The following DLGAP1 variants were observed in gnomAD, a reference collection of about 807,000 sequenced individuals.
DLGAP1 encodes DLG associated protein 1, also known as disks large-associated protein 1.
In DLGAP1, 11 loss-of-function variants were observed where a neutral mutation model predicts 90.8. The observed-to-expected ratio is 0.12, with a 90% CI of 0.08 to 0.20. The LOEUF (loss-of-function observed/expected upper bound fraction) is 0.20, where lower values mean the gene tolerates loss of function less well. Ranked by LOEUF, DLGAP1 falls within the 10% of genes least tolerant of loss-of-function variation. The probability of loss-of-function intolerance (pLI) is 1.00; values close to 1 mark genes in which losing one functional copy is unlikely to be tolerated. For missense variants in DLGAP1, 1,050 were observed against 1,333.8 expected, an observed-to-expected ratio of 0.79 and a Z score of 3.31; for synonymous variants, 558 against 540.7, an observed-to-expected ratio of 1.03 and a Z score of -0.44.
intron 1 of DLGAP1, among the ~76,000 whole-genome samples, chr18:4,284,998 A>G (rs186061081): frequency 6.6e-6 from 1 of 152,296 alleles, no homozygotes; most frequent in East Asian, 1.9e-4. Flanking sequence ...ACTAGGAAAG[A>G]TAAAGGGAGG....
At chr18:3,788,335 CAACAG>C (rs1342797152) in intron 5 of DLGAP1, among the ~76,000 whole-genome samples, 4 of 152,092 alleles carry the variant, frequency 2.6e-5, no homozygotes, top group South Asian at 2.1e-4. Context: ...GACTCCAAAA[CAACAG>C]AATAAGCTAG....
intron 1 of DLGAP1, among the ~76,000 whole-genome samples, chr18:4,348,917 A>T (rs903359435): frequency 1.3e-5 from 2 of 152,202 alleles, no homozygotes; most frequent in Admixed American, 1.3e-4. Context: ...AAAATACAAA[A>T]GGAATGATGG....
chr18:3,875,459 T>C (rs147736527), intron 4 of DLGAP1, among the ~76,000 whole-genome samples: 185 of 152,332 alleles, frequency 1.2e-3, no homozygotes, highest in African/African-American at 2.3e-3. Context: ...TAATAGATAT[T>C]TGATATACAC....
chr18:3,602,451 C>T (rs1237980531), intron 7 of DLGAP1, among the ~76,000 whole-genome samples: 5 of 151,372 alleles, frequency 3.3e-5, no homozygotes, highest in Non-Finnish European at 5.9e-5. Context: ...AAAAATTAGC[C>T]GGGCGTGGTG....
chr18:4,021,115 A>G (rs2074601648), intron 2 of DLGAP1, among the ~76,000 whole-genome samples: 1 of 152,058 alleles, frequency 6.6e-6, no homozygotes, highest in African/African-American at 2.4e-5. Context: ...TCCGATCCCC[A>G]AGTTTTGGGG....
At chr18:4,059,347 C>T (rs1374346006) in intron 2 of DLGAP1, among the ~76,000 whole-genome samples, 2 of 152,138 alleles carry the variant, frequency 1.3e-5, no homozygotes, top group African/African-American at 4.8e-5. Context: ...TGGATGCATC[C>T]CCAAGAATTG....
chr18:3,620,184 G>A (rs1392965185), intron 7 of DLGAP1, among the ~76,000 whole-genome samples: 1 of 152,138 alleles, frequency 6.6e-6, no homozygotes, highest in East Asian at 1.9e-4. Context: ...TAAGAGGGAG[G>A]CAGGAGGGTC....
chr18:4,002,756 G>A (rs371940765), intron 3 of DLGAP1, among the ~76,000 whole-genome samples: 5 of 152,166 alleles, frequency 3.3e-5, no homozygotes, highest in South Asian at 2.1e-4. Context: ...ACATTATTCC[G>A]GGGTCAACTA....
intron 2 of DLGAP1, among the ~76,000 whole-genome samples, chr18:4,096,785 G>A (rs565293622): frequency 6.6e-6 from 1 of 152,314 alleles, no homozygotes; most frequent in East Asian, 1.9e-4. Flanking sequence ...GGCTGCCTGG[G>A]TTAACGTCCT....
At chr18:3,631,708 C>T (rs2058531558) in intron 7 of DLGAP1, among the ~76,000 whole-genome samples, 1 of 152,112 alleles carries the variant, frequency 6.6e-6, no homozygotes, top group African/African-American at 2.4e-5. Flanking sequence ...GATTGCACCA[C>T]TGTACTCCAG....
chr18:4,398,242 T>C (rs1416576034), intron 1 of DLGAP1, among the ~76,000 whole-genome samples: 1 of 152,206 alleles, frequency 6.6e-6, no homozygotes, highest in Non-Finnish European at 1.5e-5. Context: ...TAAGTACAAA[T>C]AGGCAAACAT....
intron 1 of DLGAP1, among the ~76,000 whole-genome samples, chr18:4,380,531 G>A (rs2082093138): frequency 6.6e-6 from 1 of 152,100 alleles, no homozygotes; most frequent in Admixed American, 6.6e-5. Flanking sequence ...CTATGTGAAG[G>A]TTGGTTACTT....
intron 1 of DLGAP1, among the ~76,000 whole-genome samples, chr18:4,302,191 GA>G (rs2080141966): frequency 6.6e-6 from 1 of 151,984 alleles, no homozygotes; most frequent in African/African-American, 2.4e-5. Flanking sequence ...TGCATTTTTG[GA>G]GTCAGATAAA....
Position 3,582,088 on chromosome 18 carries a change from A to G in DLGAP1, c.1752T>C (p.Ser584=), listed in dbSNP as rs140484595. 6.2e-7 allele frequency: 1 copy of G among 1,613,836 alleles called. No individual in the cohort carries two copies. Among genetic ancestry groups the G allele is most frequent in the African/African-American group, 1.3e-5 (1 of 74,890 alleles). ...GGCTCTCGGTGGAGTTGCTGAGTCC[A>G]GACTGGCTGATAATATCTCCTCGCT... The part of the protein sequence containing the change: ...QGQRGDIISQ[S]GLSNSTESLD... The change falls in exon 8 of 13, where the codon TCT becomes TCC. Residue 584 remains serine (S), a synonymous_variant. Transcript: ENST00000315677.
intron 1 of DLGAP1, among the ~76,000 whole-genome samples, chr18:4,249,716 C>T (rs1326878506): frequency 6.6e-6 from 1 of 152,124 alleles, no homozygotes; most frequent in African/African-American, 2.4e-5. Flanking sequence ...GCCTTCCCAG[C>T]AGCTGGGACT....
intron 7 of DLGAP1, among the ~76,000 whole-genome samples, chr18:3,667,691 G>GAGAA (rs1409023613): frequency 1.3e-5 from 2 of 152,142 alleles, no homozygotes. Flanking sequence ...TTCCAGGTCG[G>GAGAA]TGTGACTGGA....
At chr18:3,655,251 A>G (rs1306844665) in intron 7 of DLGAP1, among the ~76,000 whole-genome samples, 1 of 152,148 alleles carries the variant, frequency 6.6e-6, no homozygotes, top group Non-Finnish European at 1.5e-5. Context: ...CAAACTCCCA[A>G]TAAACGAGAA....
At position 4,397,736 on chromosome 18, in the gene DLGAP1, G is replaced by A. The variant is rs535891971; in HGVS notation, c.-267+57270C>T. Among the ~76,000 whole-genome samples the A allele has an allele frequency of 2.0e-5, 3 of 152,222 alleles. No individual in the cohort carries two copies. The South Asian group carries it at 6.2e-4, about 32-fold the overall frequency. On this transcript the variant is annotated intron_variant, in intron 1 of 12. Transcript: ENST00000315677. ...ATGTTTTTAGTTGATAAAATTTTAAGATACATAAGGATAGACTGGTAATTT... is the reference window on the plus strand; with the variant it reads ...ATGTTTTTAGTTGATAAAATTTTAAAATACATAAGGATAGACTGGTAATTT...
chr18:3,879,355 C>A lies in DLGAP1; in HGVS notation c.714G>T (p.Glu238Asp), dbSNP rs760517668. The A allele has an allele frequency of 3.7e-6, 6 of 1,612,720 alleles. No homozygotes were observed. Among genetic ancestry groups the A allele is most frequent in the African/African-American group, 1.3e-5 (1 of 74,918 alleles). Residue 238 changes from glutamate (E) to aspartate (D), a missense_variant, in exon 4 of 13, where the codon GAG (glutamate) becomes GAT (aspartate). Coordinates refer to ENST00000315677, the MANE Select transcript of DLGAP1 (RefSeq NM_004746.4). This position sits in a 1 kb window ranked among gnomAD's most constrained non-coding sequence, Gnocchi z 6.6. The part of the protein sequence containing the change: ...PDRSASQYFL[E>D]AYNTISEQAV... ...CCTGCTCGCTGATGGTGTTGTAGGC[C>A]TCCAGGAAGTACTGTGAGGCCGAGC...
Sources: allele counts gnomAD v4.1 joint callset (sites outside exome capture counted in the v4.1 genomes callset), GRCh38; gene constraint gnomAD v4.1.1; non-coding constraint Gnocchi (gnomAD v3.1); transcripts MANE v1.5; gene names NCBI Gene and HGNC (gene_info 2026-07-23, HGNC 2026-07-21).